Variants in SLCO1B1 observed in about 807,000 individuals in gnomAD.
SLCO1B1 encodes solute carrier organic anion transporter family member 1B1, also known as OATP-2.
Under a neutral mutation model 70.1 loss-of-function variants are expected in SLCO1B1, and 81 were observed. The observed-to-expected ratio is 1.16, with a 90% CI of 0.97 to 1.39. The LOEUF is 1.39. Ranked by LOEUF, SLCO1B1 falls within the 40% of genes most tolerant of loss-of-function variation. SLCO1B1 has a pLI of 0.00. For synonymous variants in SLCO1B1, 283 were observed against 271.5 expected (o/e 1.04, Z -0.42); for missense variants, 895 against 799.6 (o/e 1.12, Z -1.44).
chr12:21,212,902 T>C (rs1316643042), intron 11 of SLCO1B1, among the ~76,000 whole-genome samples: 1 of 152,104 alleles, frequency 6.6e-6, no homozygotes, highest in Admixed American at 6.5e-5. Flanking sequence ...ACTTTTTTTG[T>C]TTTCCATTTG....
chr12:21,141,768 T>G (rs79400224), intron 2 of SLCO1B1, 110 bp downstream of exon 2: 2 of 639,730 alleles, frequency 3.1e-6, no homozygotes, highest in African/African-American at 3.7e-5. Flanking sequence ...AATTTTCAAT[T>G]GAAGCATATA....
intron 2 of SLCO1B1, among the ~76,000 whole-genome samples, chr12:21,170,891 C>G (rs1940748437): frequency 6.6e-6 from 1 of 152,138 alleles, no homozygotes; most frequent in South Asian, 2.1e-4. Flanking sequence ...ATCTCTGTCC[C>G]CCAAACATGG....
chr12:21,195,103 A>C (rs2121136659), intron 7 of SLCO1B1, among the ~76,000 whole-genome samples: 1 of 152,302 alleles, frequency 6.6e-6, no homozygotes, highest in East Asian at 1.9e-4. Flanking sequence ...TTTCAGCAGG[A>C]GATTTGAACA....
intron 2 of SLCO1B1, among the ~76,000 whole-genome samples, chr12:21,143,091 A>T (rs1380770911): frequency 6.7e-6 from 1 of 149,902 alleles, no homozygotes; most frequent in Non-Finnish European, 1.5e-5. Context: ...TGTTGTTGAT[A>T]AAGAATATTA....
intron 11 of SLCO1B1, among the ~76,000 whole-genome samples, chr12:21,211,795 T>G (rs1941289640): frequency 6.6e-6 from 1 of 152,138 alleles, no homozygotes; most frequent in Non-Finnish European, 1.5e-5. Context: ...CTTCGGAGAG[T>G]GTATATGTCA....
intron 7 of SLCO1B1, among the ~76,000 whole-genome samples, chr12:21,180,142 C>G (rs765236644): frequency 2.6e-5 from 4 of 152,110 alleles, no homozygotes; most frequent in Non-Finnish European, 5.9e-5. Context: ...GTACCTAAAG[C>G]ACAATATGTC....
At chr12:21,140,865 A>G (rs150896751) in intron 1 of SLCO1B1, among the ~76,000 whole-genome samples, 18 of 152,052 alleles carry the variant, frequency 1.2e-4, no homozygotes, top group African/African-American at 3.9e-4. Flanking sequence ...ATTTTCAACT[A>G]TATGCATTTT....
At chr12:21,196,505 C>A (rs1941093281) in intron 7 of SLCO1B1, among the ~76,000 whole-genome samples, 1 of 152,106 alleles carries the variant, frequency 6.6e-6, no homozygotes, top group African/African-American at 2.4e-5. Flanking sequence ...TGGTGGGAAG[C>A]CCCTTTATTG....
chr12:21,207,225 T>A (rs941309010), intron 11 of SLCO1B1, among the ~76,000 whole-genome samples: 2 of 151,994 alleles, frequency 1.3e-5, no homozygotes, highest in African/African-American at 2.4e-5. Flanking sequence ...TAGGGTACAA[T>A]CATTCCCATC....
chr12:21,200,459 T>C lies in SLCO1B1; in HGVS notation c.971-49T>C, dbSNP rs1301091033. ...CGTTCACAAATTTTAGATATAAATG[T>C]ATATTTAAGTTGCATTCAAATATTT... On this transcript the variant is annotated intron_variant, in intron 8 of 14. Transcript: ENST00000256958. 2.5e-6 allele frequency: 3 copies of C among 1,216,806 alleles called. No homozygotes were observed. In the Admixed American group the frequency reaches 7.4e-5, roughly 30 times the overall value. The allele number at this position is 1,216,806 out of a possible 1,614,324, so 75.4% of individuals were successfully genotyped here.
At chr12:21,155,133 G>C (rs186899973) in intron 2 of SLCO1B1, among the ~76,000 whole-genome samples, 8 of 150,550 alleles carry the variant, frequency 5.3e-5, no homozygotes, top group Non-Finnish European at 1.0e-4. Context: ...TAAATTATTT[G>C]AAAATTTTCA....
intron 2 of SLCO1B1, among the ~76,000 whole-genome samples, chr12:21,166,350 T>C (rs1405672858): frequency 2.0e-5 from 3 of 152,128 alleles, no homozygotes; most frequent in Non-Finnish European, 4.4e-5. Flanking sequence ...GATTAACAAC[T>C]GATTTCTCAT....
chr12:21,159,233 A>G (rs921560429), intron 2 of SLCO1B1, among the ~76,000 whole-genome samples: 18 of 152,286 alleles, frequency 1.2e-4, no homozygotes, highest in African/African-American at 4.1e-4. Flanking sequence ...ACAGTTTAGC[A>G]TATTTTCATT....
At chr12:21,220,517 A>T (rs1022101200) in intron 12 of SLCO1B1, among the ~76,000 whole-genome samples, 5 of 152,134 alleles carry the variant, frequency 3.3e-5, no homozygotes, top group Admixed American at 6.5e-5. Flanking sequence ...CCATGGAACT[A>T]ATGAGATCTT....
intron 2 of SLCO1B1, among the ~76,000 whole-genome samples, chr12:21,171,141 C>G (rs560785843): frequency 6.6e-6 from 1 of 152,138 alleles, no homozygotes; most frequent in Admixed American, 6.6e-5. Context: ...CAAGGAAAAC[C>G]TCACTGTGAA....
At chr12:21,199,753 G>A (rs756722190) in intron 8 of SLCO1B1, among the ~76,000 whole-genome samples, 12 of 151,886 alleles carry the variant, frequency 7.9e-5, no homozygotes, top group Middle Eastern at 3.4e-3. Context: ...AACATCATAT[G>A]TCTTATTCAC....
At position 21,196,982 on chromosome 12, in the gene SLCO1B1, T is replaced by C. The variant is rs1450737046; in HGVS notation, c.764T>C (p.Val255Ala). Residue 255 changes from valine to alanine, a missense_variant, in exon 8 of 15, where the codon GTT becomes GCT. Physicochemically the swap from Val to Ala is moderately conservative, Grantham distance 64. Transcript: ENST00000256958. ...IRITPTDSRW[V>A]GAWWLNFLVS... is the part of the protein sequence containing the mutation. ...ATAACTCCTACTGATTCTCGATGGG[T>C]TGGAGCTTGGTGGCTTAATTTCCTT... The C allele has an allele frequency of 1.2e-6, 2 of 1,613,620 alleles. No homozygotes were observed. Among genetic ancestry groups the C allele is most frequent in the Non-Finnish European group, 1.7e-6 (2 of 1,179,630 alleles).
At chr12:21,182,619 T>C (rs1357360856) in intron 7 of SLCO1B1, among the ~76,000 whole-genome samples, 1 of 151,356 alleles carries the variant, frequency 6.6e-6, no homozygotes, top group African/African-American at 2.4e-5. Flanking sequence ...AGCCTGAGGG[T>C]TTTTTCAAGG....
At chr12:21,142,372 T>G (rs941756854) in intron 2 of SLCO1B1, among the ~76,000 whole-genome samples, 1 of 151,986 alleles carries the variant, frequency 6.6e-6, no homozygotes, top group Non-Finnish European at 1.5e-5. Context: ...TTAAGAAATT[T>G]TCCTGAAGTC....
Sources: allele counts gnomAD v4.1 joint callset (sites outside exome capture counted in the v4.1 genomes callset), GRCh38; gene constraint gnomAD v4.1.1; transcripts MANE v1.5; gene names NCBI Gene and HGNC (gene_info 2026-07-23, HGNC 2026-07-21).